Variants in ATF6 observed in about 807,000 individuals in gnomAD.
ATF6 encodes the protein activating transcription factor 6.
In ATF6, 53 loss-of-function variants were observed where a neutral mutation model predicts 83.6. That is an observed-to-expected ratio of 0.63 (90% CI 0.51 to 0.80). ATF6 has a LOEUF of 0.80. Ranked by LOEUF, ATF6 falls within the 30% of genes least tolerant of loss-of-function variation. The probability of loss-of-function intolerance (pLI) is 0.00; values close to 1 mark genes in which losing one functional copy is unlikely to be tolerated. For synonymous variants in ATF6, 288 were observed against 285.8 expected, an observed-to-expected ratio of 1.01 and a Z score of -0.08; for missense variants, 744 against 797.9, an observed-to-expected ratio of 0.93 and a Z score of 0.81.
chr1:161,817,052 C>T (rs911476268), intron 7 of ATF6, among the ~76,000 whole-genome samples: 2 of 152,096 alleles, frequency 1.3e-5, no homozygotes, highest in African/African-American at 4.8e-5. Context: ...TATAGTGTAT[C>T]TGTTTCTATG....
At chr1:161,924,740 A>G (rs75610959) in intron 15 of ATF6, among the ~76,000 whole-genome samples, 3 of 152,316 alleles carry the variant, frequency 2.0e-5, no homozygotes, top group Non-Finnish European at 2.9e-5. Context: ...TTTTCACTCT[A>G]TTATGTAGGA....
intron 9 of ATF6, among the ~76,000 whole-genome samples, chr1:161,833,787 G>T (rs567876359): frequency 6.6e-6 from 1 of 152,164 alleles, no homozygotes; most frequent in Non-Finnish European, 1.5e-5. Context: ...TAATTGGTGC[G>T]CCTGAAAGTG....
intron 15 of ATF6, among the ~76,000 whole-genome samples, chr1:161,946,505 T>C (rs1209629353): frequency 3.9e-5 from 6 of 152,200 alleles, no homozygotes; most frequent in African/African-American, 1.2e-4. Flanking sequence ...AATGACATCC[T>C]TGCTAAAAAA....
At chr1:161,790,396 G>A (rs1684848642) in intron 4 of ATF6, among the ~76,000 whole-genome samples, 1 of 152,132 alleles carries the variant, frequency 6.6e-6, no homozygotes, top group Admixed American at 6.5e-5. Context: ...CTACTTCTAT[G>A]TTGTTTCTTT....
chr1:161,870,459 A>G (rs1687099349), intron 14 of ATF6, among the ~76,000 whole-genome samples: 1 of 151,786 alleles, frequency 6.6e-6, no homozygotes, highest in African/African-American at 2.4e-5. Context: ...TAGTTTAGCA[A>G]AAACAGAAGC....
intron 15 of ATF6, among the ~76,000 whole-genome samples, chr1:161,933,722 A>C (rs1023861300): frequency 1.3e-5 from 2 of 152,202 alleles, no homozygotes; most frequent in Admixed American, 6.5e-5. Flanking sequence ...CTGCACTCCT[A>C]ATTTTGGCCT....
chr1:161,907,451 G>A (rs1687897938), intron 14 of ATF6, among the ~76,000 whole-genome samples: 1 of 152,182 alleles, frequency 6.6e-6, no homozygotes, highest in East Asian at 1.9e-4. Context: ...TTAAGAGGCT[G>A]GTGTTACTAT....
rs142008464 is a variant in ATF6, at chr1:161,951,361, G to A, written c.1805-7085G>A. Among the ~76,000 whole-genome samples the A allele has an allele frequency of 2.4e-3, 370 of 152,336 alleles. 1 individual carries two copies. Among genetic ancestry groups the A allele is most frequent in the African/African-American group, 7.2e-3 (300 of 41,576 alleles). ...CCATTTCTGGAACTATTCTGCGATG[G>A]CACTTTCTCAAGTTGGAGCCAAGAA... On this transcript the variant is annotated intron_variant, in intron 15 of 15. Coordinates refer to ENST00000367942, the MANE Select transcript of ATF6 (RefSeq NM_007348.4).
intron 9 of ATF6, among the ~76,000 whole-genome samples, chr1:161,844,400 C>T (rs1476869642): frequency 6.6e-6 from 1 of 152,142 alleles, no homozygotes; most frequent in Non-Finnish European, 1.5e-5. Flanking sequence ...TGGATAGCCA[C>T]AGAATCCAGA....
chr1:161,889,722 G>C (rs1400808955), intron 14 of ATF6, among the ~76,000 whole-genome samples: 1 of 152,140 alleles, frequency 6.6e-6, no homozygotes. Context: ...GAATCTTTTT[G>C]ATTCAAATGT....
chr1:161,828,003 G>C (rs1050690672), intron 9 of ATF6, among the ~76,000 whole-genome samples: 3 of 152,012 alleles, frequency 2.0e-5, no homozygotes, highest in Non-Finnish European at 4.4e-5. Context: ...TGGCTAAACA[G>C]GACAAATGTG....
intron 7 of ATF6, among the ~76,000 whole-genome samples, chr1:161,804,798 G>A (rs532230396): frequency 8.6e-5 from 13 of 151,632 alleles, no homozygotes; most frequent in African/African-American, 3.1e-4. Flanking sequence ...TTAATTATAT[G>A]TTGGTCTATT....
intron 9 of ATF6, among the ~76,000 whole-genome samples, chr1:161,829,897 A>G (rs1686007229): frequency 6.6e-6 from 1 of 151,940 alleles, no homozygotes; most frequent in Admixed American, 6.5e-5. Context: ...CTGGCACAAG[A>G]CAGGGATGCC....
At chr1:161,851,662 T>A (rs954266202) in intron 10 of ATF6, 60 bp from the exon 11 acceptor site, 14 of 1,187,634 alleles carry the variant, frequency 1.2e-5, no homozygotes, top group Non-Finnish European at 1.6e-5. Flanking sequence ...GATTTTCTTA[T>A]AGCAAACTTC....
chr1:161,816,145 T>C (rs753462380), intron 7 of ATF6, among the ~76,000 whole-genome samples: 19 of 152,224 alleles, frequency 1.2e-4, no homozygotes, highest in Non-Finnish European at 2.5e-4. Context: ...ATTTTGCAGC[T>C]GTAGAGTTTT....
At chr1:161,777,596 G>A (rs973754888) in intron 1 of ATF6, among the ~76,000 whole-genome samples, 20 of 152,182 alleles carry the variant, frequency 1.3e-4, no homozygotes, top group African/African-American at 4.6e-4. Flanking sequence ...AGCCTTCTTG[G>A]GCCTTGGTCA....
chr1:161,778,389 A>G, intron 2 of ATF6, 69 bp downstream of exon 2: 2 of 1,234,540 alleles, frequency 1.6e-6, no homozygotes, highest in Non-Finnish European at 2.4e-6. Flanking sequence ...AGAAAGTTTC[A>G]GGACAACAGG....
chr1:161,779,368 T>C (rs1389013234), intron 2 of ATF6, among the ~76,000 whole-genome samples: 1 of 152,254 alleles, frequency 6.6e-6, no homozygotes, highest in East Asian at 1.9e-4. Context: ...TATTATTTTA[T>C]GCAAATCACT....
chr1:161,919,422 T>C (rs1448691975), intron 15 of ATF6, among the ~76,000 whole-genome samples: 1 of 152,198 alleles, frequency 6.6e-6, no homozygotes, highest in African/African-American at 2.4e-5. Flanking sequence ...CTACTTATGT[T>C]GTGGTAAAAC....
Sources: allele counts gnomAD v4.1 joint callset (sites outside exome capture counted in the v4.1 genomes callset), GRCh38; gene constraint gnomAD v4.1.1; transcripts MANE v1.5; gene names NCBI Gene and HGNC (gene_info 2026-07-23, HGNC 2026-07-21).